The following TMEM53 variants were observed in gnomAD, a reference collection of about 807,000 sequenced individuals.
The protein encoded by TMEM53 is transmembrane protein 53.
TMEM53 carries 14 observed loss-of-function variants against 21.4 expected under a neutral mutation model. That is an observed-to-expected ratio of 0.65 (90% CI 0.43 to 1.02). The LOEUF (loss-of-function observed/expected upper bound fraction) is 1.02. Among genes scored for constraint, TMEM53 ranks in the 50% least tolerant of loss-of-function variants. TMEM53 has a pLI of 0.00. For synonymous variants in TMEM53, 148 were observed against 157.4 expected (o/e 0.94, Z 0.45); for missense variants, 323 against 383.6 (o/e 0.84, Z 1.32).
At chr1:44,671,947 A>G (rs1037821387) in intron 1 of TMEM53, among the ~76,000 whole-genome samples, 17 of 152,270 alleles carry the variant, frequency 1.1e-4, no homozygotes, top group Admixed American at 5.2e-4. Flanking sequence ...AAGTTTTTAA[A>G]AAGTAATTTC....
Position 44,673,879 on chromosome 1 carries a change from G to C in TMEM53, c.61+452C>G, listed in dbSNP as rs929686948. The C allele has an allele frequency of 1.2e-5, 12 of 985,288 alleles. No homozygotes were observed. The Admixed American group carries it at 4.3e-4, about 35-fold the overall frequency. The allele number at this position is 985,288 out of a possible 1,614,324, so 61.0% of individuals were successfully genotyped here. A position where few individuals can be genotyped will look rare whatever the true frequency, so the allele number is the denominator to read the frequency against. On this transcript the variant is annotated intron_variant, in intron 1 of 2. Transcript: ENST00000372237. ...AGAAGAGTGGAGAGGGACGGCTAAG[G>C]GTTCTGAGTCCCGGGCTTCTGCGAG...
intron 2 of TMEM53, among the ~76,000 whole-genome samples, chr1:44,657,640 T>C (rs557404755): frequency 2.6e-5 from 4 of 152,220 alleles, no homozygotes; most frequent in East Asian, 3.9e-4. Flanking sequence ...CAGGCTCAGG[T>C]GATCCTCCCA....
chr1:44,661,915 G>A (rs532867224), intron 1 of TMEM53, among the ~76,000 whole-genome samples: 7 of 152,090 alleles, frequency 4.6e-5, no homozygotes, highest in East Asian at 1.9e-4. Context: ...GTGAATACCC[G>A]CCCCCTCAGG....
At chr1:44,669,718 C>A (rs1053343137) in intron 1 of TMEM53, among the ~76,000 whole-genome samples, 8 of 151,790 alleles carry the variant, frequency 5.3e-5, no homozygotes, top group African/African-American at 1.7e-4. Flanking sequence ...AGGAGGCCTG[C>A]AAAGAGGCCT....
At position 44,674,423 on chromosome 1, in the gene TMEM53, C is replaced by T; in HGVS notation, c.-32G>A. 1 of 1,593,658 alleles carries T rather than the reference C, an allele frequency of 6.3e-7. No individual in the cohort carries two copies. The highest frequency in any genetic ancestry group is 8.5e-7 in the Non-Finnish European group (1 of 1,170,862). On this transcript the variant is annotated 5_prime_UTR_variant, in exon 1 of 3. Coordinates refer to ENST00000372237, the MANE Select transcript of TMEM53 (RefSeq NM_024587.4). ...GGCGCCGGCCCAGAGCACGGGTCTC[C>T]AGCCGGAACTCCCGCTTGCGCACCC...
At position 44,655,062 on chromosome 1, in the gene TMEM53, C is replaced by T; in HGVS notation, c.331G>A (p.Val111Ile). The change falls in exon 3 of 3, where the codon GTC (valine) becomes ATC (isoleucine). Residue 111 changes from valine to isoleucine, a missense_variant. Transcript: ENST00000372237. This position sits in a 1 kb window ranked among gnomAD's most constrained non-coding sequence, Gnocchi z 4.4. ...EIEKEPLLFH[V>I]FSNGGVMLYR... ...AGCATGACGCCACCGTTGCTGAAGA[C>T]ATGGAAGAGCAGGGGCTCCTTCTCA... The T allele has an allele frequency of 6.2e-7, 1 of 1,614,234 alleles. No homozygotes were observed. Among genetic ancestry groups the T allele is most frequent in the Admixed American group, 1.7e-5 (1 of 60,032 alleles).
At chr1:44,658,192 T>G (rs1008495952) in intron 2 of TMEM53, among the ~76,000 whole-genome samples, 7 of 152,128 alleles carry the variant, frequency 4.6e-5, no homozygotes, top group African/African-American at 1.2e-4. Context: ...TCCTCAGGAC[T>G]GTCCTAGGCC....
At chr1:44,673,686 C>A (rs960884802) in intron 1 of TMEM53, 4 of 251,170 alleles carry the variant, frequency 1.6e-5, no homozygotes, top group Non-Finnish European at 2.5e-5. Context: ...CCAGATGGCC[C>A]CAACAGCCCT....
rs748514180 is a variant in TMEM53, at chr1:44,653,954, CACTT to C, written c.*601_*604del. 2.0e-5 allele frequency: 3 copies of C among 152,578 alleles called. No homozygotes were observed. The highest frequency in any genetic ancestry group is 6.5e-5 in the Admixed American group (1 of 15,310). The allele number at this position is 152,578 out of a possible 1,614,324, so 9.5% of individuals were successfully genotyped here. ...TCTCTTAAATTTTAAGTATCGTACA[CACTT>C]ACAATTTTGTTAGGTGATCTTGGCC... On this transcript the variant is annotated 3_prime_UTR_variant, in exon 3 of 3. Coordinates refer to ENST00000372237, the MANE Select transcript of TMEM53 (RefSeq NM_024587.4).
intron 2 of TMEM53, among the ~76,000 whole-genome samples, chr1:44,656,305 C>G (rs991154809): frequency 1.3e-5 from 2 of 152,116 alleles, no homozygotes; most frequent in Non-Finnish European, 2.9e-5. Flanking sequence ...CTCAAATGAT[C>G]AAAGCAGTAC....
intron 2 of TMEM53, 129 bp downstream of exon 2, chr1:44,660,045 A>G (rs1644886030): frequency 8.5e-7 from 1 of 1,178,520 alleles, no homozygotes; most frequent in Admixed American, 2.7e-5. Flanking sequence ...TTTAGTAGAG[A>G]CAGGGTTTGA....
At chr1:44,672,359 T>G (rs1286910791) in intron 1 of TMEM53, among the ~76,000 whole-genome samples, 2 of 152,220 alleles carry the variant, frequency 1.3e-5, no homozygotes, top group Non-Finnish European at 2.9e-5. Context: ...AGCCCTGCAG[T>G]TAGCACACCA....
At chr1:44,670,034 G>A (rs1457895127) in intron 1 of TMEM53, among the ~76,000 whole-genome samples, 1 of 151,864 alleles carries the variant, frequency 6.6e-6, no homozygotes, top group Non-Finnish European at 1.5e-5. Flanking sequence ...CTGACCTCAG[G>A]TGATCCGCCA....
chr1:44,654,237 C>A lies in TMEM53; in HGVS notation c.*322G>T, dbSNP rs868307054. 3 of 289,950 alleles carry A rather than the reference C, an allele frequency of 1.0e-5. No individual in the cohort carries two copies. Among genetic ancestry groups the A allele is most frequent in the Middle Eastern group, 1.0e-3 (1 of 980 alleles). 18.0% of individuals were successfully genotyped at this position (289,950 alleles called of 1,614,324 possible). On this transcript the variant is annotated 3_prime_UTR_variant, in exon 3 of 3. Coordinates refer to ENST00000372237, the MANE Select transcript of TMEM53 (RefSeq NM_024587.4). The surrounding 1 kb of genome is among the most constrained non-coding windows in gnomAD (Gnocchi z 7.0). ...AATCAACTAGGGCTCACCCTCAACACCCCCCTCCATTTGTCAACCTCTACA... is the reference window on the plus strand; with the variant it reads ...AATCAACTAGGGCTCACCCTCAACAACCCCCTCCATTTGTCAACCTCTACA...
chr1:44,674,206 G>C, intron 1 of TMEM53, 125 bp downstream of exon 1: 1 of 1,422,692 alleles, frequency 7.0e-7, no homozygotes, highest in Non-Finnish European at 9.2e-7. Flanking sequence ...GGACCTGCCA[G>C]ACCCTATGAG....
chr1:44,671,700 G>A (rs796378353), intron 1 of TMEM53, among the ~76,000 whole-genome samples: 10 of 152,338 alleles, frequency 6.6e-5, no homozygotes, highest in African/African-American at 1.7e-4. Context: ...AGGCTGAGGC[G>A]GGTGGATCAC....
chr1:44,664,151 TAAAA>T (rs555498355), intron 1 of TMEM53, among the ~76,000 whole-genome samples: 1 of 93,268 alleles, frequency 1.1e-5, no homozygotes, highest in Non-Finnish European at 2.0e-5. Flanking sequence ...GACCTTATTA[TAAAA>T]AAAAAAAAAA....
Position 44,674,399 on chromosome 1 carries a change from G to A in TMEM53, c.-8C>T, listed in dbSNP as rs770423445. ...CAGCTCTGCCGAGGCCATGGTGAAG[G>A]CGCCGGCCCAGAGCACGGGTCTCCA... On this transcript the variant is annotated 5_prime_UTR_variant, in exon 1 of 3. Transcript: ENST00000372237. The A allele has an allele frequency of 2.5e-6, 4 of 1,609,802 alleles. No individual in the cohort carries two copies. The highest frequency in any genetic ancestry group is 2.5e-6 in the Non-Finnish European group (3 of 1,177,858).
chr1:44,658,326 C>A (rs1157857411), intron 2 of TMEM53, among the ~76,000 whole-genome samples: 2 of 152,132 alleles, frequency 1.3e-5, no homozygotes, highest in Non-Finnish European at 2.9e-5. Flanking sequence ...CAGCCAGAAA[C>A]CTGGCATTAC....
Sources: allele counts gnomAD v4.1 joint callset (sites outside exome capture counted in the v4.1 genomes callset), GRCh38; gene constraint gnomAD v4.1.1; non-coding constraint Gnocchi (gnomAD v3.1); transcripts MANE v1.5; gene names NCBI Gene and HGNC (gene_info 2026-07-23, HGNC 2026-07-21).